COG6: variants seen among roughly 807,000 people sequenced by gnomAD.
COG6 encodes conserved oligomeric Golgi complex subunit 6.
COG6 carries 74 observed loss-of-function variants against 88.8 expected under a neutral mutation model. The ratio of observed to expected loss-of-function variants is 0.83; its 90% confidence interval spans 0.69 to 1.01. The LOEUF is 1.01. Among genes scored for constraint, COG6 ranks in the 50% least tolerant of loss-of-function variants. The pLI is 0.00. For missense variants in COG6, 800 were observed against 797.9 expected (o/e 1.00, Z -0.03); for synonymous variants, 286 against 278.7 (o/e 1.03, Z -0.26).
chr13:39,705,585 G>A (rs1461995668), intron 13 of COG6, among the ~76,000 whole-genome samples: 1 of 152,054 alleles, frequency 6.6e-6, no homozygotes, highest in Non-Finnish European at 1.5e-5. Flanking sequence ...CAAGGATATA[G>A]CCTGTCTTAA....
At chr13:39,746,825 A>G (rs536817023) in intron 18 of COG6, among the ~76,000 whole-genome samples, 218 of 152,288 alleles carry the variant, frequency 1.4e-3, no homozygotes, top group African/African-American at 4.7e-3. Flanking sequence ...AATGGTTTTA[A>G]CACTATAGAA....
intron 18 of COG6, among the ~76,000 whole-genome samples, chr13:39,787,118 C>T (rs925760064): frequency 6.6e-6 from 1 of 152,044 alleles, no homozygotes; most frequent in African/African-American, 2.4e-5. Flanking sequence ...GTGAGATTGG[C>T]TCATCATGCT....
intron 11 of COG6, among the ~76,000 whole-genome samples, chr13:39,694,282 A>G (rs1001830259): frequency 6.6e-6 from 1 of 151,782 alleles, no homozygotes; most frequent in Non-Finnish European, 1.5e-5. Flanking sequence ...TTCATTGATA[A>G]TCTGTTTTAG....
chr13:39,731,755 T>G (rs1272967766), intron 18 of COG6, among the ~76,000 whole-genome samples: 2 of 152,142 alleles, frequency 1.3e-5, no homozygotes, highest in African/African-American at 4.8e-5. Context: ...TTTTTTCTTT[T>G]AACTACCTTC....
At chr13:39,756,616 G>A (rs1325323934), downstream of COG6, among the ~76,000 whole-genome samples, 1 of 152,014 alleles carries the variant, frequency 6.6e-6, no homozygotes, top group East Asian at 1.9e-4. Flanking sequence ...AGGGAATCTT[G>A]AAAACACCAA....
chr13:39,770,566 T>G (rs1881291379), intron 18 of COG6, among the ~76,000 whole-genome samples: 1 of 152,216 alleles, frequency 6.6e-6, no homozygotes. Context: ...CCCTGCCCCC[T>G]GTATTATGCT....
intron 18 of COG6, among the ~76,000 whole-genome samples, chr13:39,782,006 C>A (rs1412059989): frequency 1.3e-5 from 2 of 152,168 alleles, no homozygotes; most frequent in African/African-American, 4.8e-5. Flanking sequence ...TCTTTCCCAG[C>A]TGAATCAGTG....
At chr13:39,719,614 A>G (rs1265809517) in intron 14 of COG6, 46 bp from the exon 15 acceptor site, 1 of 1,538,048 alleles carries the variant, frequency 6.5e-7, no homozygotes. Context: ...CCAAGACCCT[A>G]TCAGTGATTG....
intron 15 of COG6, among the ~76,000 whole-genome samples, chr13:39,721,881 T>C (rs1878868838): frequency 6.6e-6 from 1 of 152,070 alleles, no homozygotes; most frequent in Non-Finnish European, 1.5e-5. Context: ...GATTTTCCAT[T>C]GAGTTTATAT....
intron 6 of COG6, 128 bp from the exon 7 acceptor site, chr13:39,679,847 T>C: frequency 1.5e-6 from 1 of 686,526 alleles, no homozygotes; most frequent in South Asian, 1.8e-5. Flanking sequence ...AGAAAATTAT[T>C]GAAAAATCAT....
chr13:39,675,905 CTT>C (rs1875937761), intron 4 of COG6, among the ~76,000 whole-genome samples: 1 of 151,978 alleles, frequency 6.6e-6, no homozygotes, highest in Non-Finnish European at 1.5e-5. Flanking sequence ...TAAGGTAACT[CTT>C]TAAGCTTTTA....
At chr13:39,756,517 A>C (rs573837714), downstream of COG6, among the ~76,000 whole-genome samples, 1 of 152,312 alleles carries the variant, frequency 6.6e-6, no homozygotes, top group South Asian at 2.1e-4. Context: ...TTACACATCC[A>C]AGAAGTTCAC....
chr13:39,724,193 A>C (rs1315115316), intron 16 of COG6, among the ~76,000 whole-genome samples: 3 of 152,000 alleles, frequency 2.0e-5, no homozygotes, highest in African/African-American at 7.2e-5. Flanking sequence ...TATCAAAGTG[A>C]AACTGTTCAA....
At chr13:39,780,780 A>G (rs891043308) in intron 18 of COG6, among the ~76,000 whole-genome samples, 1 of 152,220 alleles carries the variant, frequency 6.6e-6, no homozygotes, top group Non-Finnish European at 1.5e-5. Flanking sequence ...AAAAAATGCC[A>G]CACAAGGACC....
intron 13 of COG6, among the ~76,000 whole-genome samples, chr13:39,706,248 T>TATATAC (rs1877897035): frequency 2.6e-5 from 2 of 76,316 alleles, no homozygotes; most frequent in African/African-American, 4.3e-5. Context: ...TATATATATA[T>TATATAC]ACTCCTTTAT....
At chr13:39,716,590 T>G (rs377355831) in intron 13 of COG6, among the ~76,000 whole-genome samples, 1 of 152,134 alleles carries the variant, frequency 6.6e-6, no homozygotes, top group African/African-American at 2.4e-5. Flanking sequence ...TCCCTGTTAC[T>G]TCTTTTACAC....
intron 10 of COG6, 71 bp from the exon 11 acceptor site, chr13:39,689,689 A>T: frequency 1.1e-6 from 1 of 916,858 alleles, no homozygotes; most frequent in Non-Finnish European, 1.8e-6. Context: ...ATTATTTGTT[A>T]GTTTTTTGAA....
chr13:39,789,493 C>G (rs991632517), exon 19 of COG6: 2 of 152,208 alleles, frequency 1.3e-5, no homozygotes, highest in African/African-American at 2.4e-5. Context: ...CTGCTCCACC[C>G]TGACTCATTC....
chr13:39,775,364 T>C (rs560183737), intron 18 of COG6, among the ~76,000 whole-genome samples: 9 of 152,246 alleles, frequency 5.9e-5, no homozygotes, highest in Non-Finnish European at 1.3e-4. Flanking sequence ...ATTATAGTTA[T>C]GTTTCTAGGA....
Sources: allele counts gnomAD v4.1 joint callset (sites outside exome capture counted in the v4.1 genomes callset), GRCh38; gene constraint gnomAD v4.1.1; transcripts MANE v1.5; gene names NCBI Gene and HGNC (gene_info 2026-07-23, HGNC 2026-07-21).